The following VSIG4 variants were observed in gnomAD, a reference collection of about 807,000 sequenced individuals.
VSIG4 encodes V-set and immunoglobulin domain containing 4, also known as V-set and immunoglobulin domain-containing protein 4.
In VSIG4, 34 loss-of-function variants were observed where a neutral mutation model predicts 23.4. The ratio of observed to expected loss-of-function variants is 1.45; its 90% CI spans 1.10 to 1.93. The LOEUF is 1.93. Among genes scored for constraint, VSIG4 ranks in the 30% most tolerant of loss-of-function variants. The pLI is 0.00. For missense variants in VSIG4, 433 were observed against 310.8 expected, an observed-to-expected ratio of 1.39 and a Z score of -2.96; for synonymous variants, 169 against 120.3, an observed-to-expected ratio of 1.41 and a Z score of -2.65.
chrX:66,027,684 G>A (rs932610269), intron 4 of VSIG4, among the ~76,000 whole-genome samples, 158 bp from the exon 5 acceptor site: 1 of 112,206 alleles, frequency 8.9e-6, no homozygotes, highest in African/African-American at 3.2e-5. Flanking sequence ...ATGAGATAAG[G>A]CATCTTCATT....
chrX:66,022,664 G>A (rs986329170), intron 7 of VSIG4, 164 bp from the exon 8 acceptor site: 4 of 1,126,049 alleles, frequency 3.6e-6, no homozygotes, highest in Admixed American at 3.2e-5. Flanking sequence ...GTGTTCAGAG[G>A]GCCAAAACAA....
chrX:66,037,343 A>G (rs1350840808), intron 1 of VSIG4, among the ~76,000 whole-genome samples: 6 of 13,576 alleles, frequency 4.4e-4, no homozygotes, highest in African/African-American at 3.6e-3. Flanking sequence ...AATATAATAT[A>G]ATATATAATA....
At chrX:66,035,823 TCC>T (rs2085531339) in intron 1 of VSIG4, among the ~76,000 whole-genome samples, 1 of 112,116 alleles carries the variant, frequency 8.9e-6, no homozygotes. Context: ...ATTCTCACAT[TCC>T]CCTCTTGGGC....
chrX:66,027,328 G>T, intron 5 of VSIG4, 121 bp downstream of exon 5: 1 of 605,155 alleles, frequency 1.7e-6, no homozygotes, highest in Non-Finnish European at 2.7e-6. Flanking sequence ...ACCATTGCTT[G>T]GCACATAGCA....
At chrX:66,024,365 G>A (rs1392085837) in intron 6 of VSIG4, among the ~76,000 whole-genome samples, 3 of 111,838 alleles carry the variant, frequency 2.7e-5, no homozygotes, top group Admixed American at 9.4e-5. Context: ...GGCATTTAAG[G>A]CCTTCTATAA....
chrX:66,022,528 A>G (rs1569237855), intron 7 of VSIG4, 28 bp from the exon 8 acceptor site: 1 of 1,205,598 alleles, frequency 8.3e-7, no homozygotes, highest in Admixed American at 2.2e-5. Context: ...ACCACCCATA[A>G]GAAGGGACTT....
At chrX:66,028,146 G>A in intron 3 of VSIG4, 34 bp from the exon 4 acceptor site, 1 of 1,144,733 alleles carries the variant, frequency 8.7e-7, no homozygotes, top group Non-Finnish European at 1.2e-6. Context: ...GAAGGGACCT[G>A]GTACCCTTTG....
chrX:66,029,058 A>G (rs1034360530), intron 3 of VSIG4, among the ~76,000 whole-genome samples: 1 of 112,031 alleles, frequency 8.9e-6, no homozygotes, highest in Non-Finnish European at 1.9e-5. Context: ...GCACAGGGCC[A>G]TGTACCTGCT....
chrX:66,039,096 A>G (rs780321478), intron 1 of VSIG4, among the ~76,000 whole-genome samples: 95 of 112,053 alleles, frequency 8.5e-4, no homozygotes, highest in Non-Finnish European at 1.5e-3. Flanking sequence ...TGGGATTTGT[A>G]TCCAGCCCAT....
chrX:66,023,894 C>T (rs887947440), intron 6 of VSIG4, among the ~76,000 whole-genome samples: 2 of 112,294 alleles, frequency 1.8e-5, no homozygotes, highest in Admixed American at 9.4e-5. Context: ...CCGCTTATGC[C>T]CAGCCTCATC....
Position 66,021,872 on chromosome X carries a change from G to T in VSIG4, c.*391C>A. Reference sequence around the variant, plus strand: ...AAAGCTGTCTGGCCCTGAAGAAAGAGAAATGATCCTGGATATAGCTGGTCC... The same window carrying T: ...AAAGCTGTCTGGCCCTGAAGAAAGATAAATGATCCTGGATATAGCTGGTCC... On this transcript the variant is annotated 3_prime_UTR_variant, in exon 8 of 8. Transcript: ENST00000374737. 3.1e-6 allele frequency: 1 copy of T among 324,755 alleles called. No homozygotes were observed. Among genetic ancestry groups the T allele is most frequent in the East Asian group, 7.5e-5 (1 of 13,351 alleles). 26.8% of individuals were successfully genotyped at this position (324,755 alleles called of 1,213,427 possible). A position where few individuals can be genotyped will look rare whatever the true frequency, so the allele number is the denominator to read the frequency against.
chrX:66,027,647 C>T (rs1165063808), intron 4 of VSIG4, 121 bp from the exon 5 acceptor site: 3 of 545,535 alleles, frequency 5.5e-6, no homozygotes, highest in Non-Finnish European at 9.4e-6. Context: ...TCCAGGGTAC[C>T]TGACCATGTT....
intron 3 of VSIG4, among the ~76,000 whole-genome samples, chrX:66,028,447 T>C (rs192157484): frequency 9.1e-6 from 1 of 109,884 alleles, no homozygotes; most frequent in African/African-American, 3.3e-5. Flanking sequence ...TTGGGAAGTA[T>C]CATAAAGAAA....
In VSIG4 at chrX:66,027,541, A is replaced by T. The variant is rs369996543; in HGVS notation, c.758-15T>A. ...TGTAGATGTTGCTATGAATATAGAG[A>T]ATAGGGTCAGAGATGTCTCTCTTCT... On this transcript the variant is annotated splice_polypyrimidine_tract_variant and intron_variant, in intron 4 of 7. Transcript: ENST00000374737. 6.9e-6 allele frequency: 8 copies of T among 1,159,012 alleles called. No individual in the cohort carries two copies. Among genetic ancestry groups the T allele is most frequent in the Non-Finnish European group, 9.4e-6 (8 of 855,031 alleles).
intron 6 of VSIG4, among the ~76,000 whole-genome samples, chrX:66,023,843 C>T (rs1344872521): frequency 2.7e-5 from 3 of 111,999 alleles, no homozygotes; most frequent in Admixed American, 9.4e-5. Context: ...CCATAAGAAG[C>T]CATGGAAGGT....
At chrX:66,023,578 C>A (rs553117358) in intron 6 of VSIG4, among the ~76,000 whole-genome samples, 8 of 112,705 alleles carry the variant, frequency 7.1e-5, no homozygotes, top group Middle Eastern at 9.3e-3. Context: ...CGCCCATTGG[C>A]CTATGAGCAC....
Position 66,032,451 on chromosome X carries a change from G to A in VSIG4, c.694+17C>T. The A allele has an allele frequency of 8.3e-7, 1 of 1,201,986 alleles. No homozygotes were observed. The highest frequency in any genetic ancestry group is 1.8e-5 in the South Asian group (1 of 56,279). On this transcript the variant is annotated intron_variant, in intron 3 of 7. Transcript: ENST00000374737. The stretch of plus-strand genomic sequence containing the variant: ...GCTTGTGTGTTAAGATGCTCACCAG[G>A]AAAGAGGGCCGCTCACCTTTGACCA...
intron 1 of VSIG4, among the ~76,000 whole-genome samples, chrX:66,036,591 T>A (rs1304229709): frequency 3.5e-5 from 3 of 86,383 alleles, no homozygotes; most frequent in Non-Finnish European, 6.5e-5. Flanking sequence ...AAGGAAGTAA[T>A]ATTATAATAT....
chrX:66,035,654 C>G (rs1184409504), intron 1 of VSIG4, among the ~76,000 whole-genome samples: 1 of 112,062 alleles, frequency 8.9e-6, no homozygotes, highest in Admixed American at 9.5e-5. Context: ...TTTTCATTAT[C>G]ATGGACTCAC....
Sources: allele counts gnomAD v4.1 joint callset (sites outside exome capture counted in the v4.1 genomes callset), GRCh38; gene constraint gnomAD v4.1.1; transcripts MANE v1.5; gene names NCBI Gene and HGNC (gene_info 2026-07-23, HGNC 2026-07-21).